The following ZNF254 variants were observed in gnomAD, a reference collection of about 807,000 sequenced individuals.
ZNF254 encodes the protein zinc finger protein 254, also known as CTD-2017D11.1.
Under a neutral mutation model 12.4 loss-of-function variants are expected in ZNF254, and 10 were observed. The observed-to-expected ratio is 0.80, with a 90% CI of 0.50 to 1.36. ZNF254 has a LOEUF of 1.36. ZNF254 is among the 40% of genes most tolerant of loss of function. The pLI, the probability that ZNF254 is intolerant of heterozygous loss-of-function variation, is 0.00. For synonymous variants in ZNF254, 305 were observed against 253.4 expected, an observed-to-expected ratio of 1.20 and a Z score of -1.93; for missense variants, 996 against 763.9, an observed-to-expected ratio of 1.30 and a Z score of -3.58.
In ZNF254 at chr19:24,043,374, G is replaced by C. The variant is rs575952401; in HGVS notation, c.-189-2810G>C. Among the ~76,000 whole-genome samples the C allele has an allele frequency of 3.5e-4, 54 of 152,148 alleles. No individual in the cohort carries two copies. In the South Asian group the frequency reaches 0.011, roughly 30 times the overall value. On this transcript the variant is annotated intron_variant, in intron 1 of 4. Transcript: ENST00000613065. The stretch of plus-strand genomic sequence containing the variant: ...CCTCCTGGGTTCAAGCAATTCTCCT[G>C]TCTCAGCCTCCCGAGTAGCTGGTAC...
chr19:24,046,300 T>C (rs1970378666), intron 2 of ZNF254: 1 of 150,342 alleles, frequency 6.7e-6, no homozygotes. Flanking sequence ...GTAAAGATGG[T>C]AGGTGGCCTG....
chr19:24,045,638 A>G (rs1970352055), intron 1 of ZNF254, among the ~76,000 whole-genome samples: 1 of 148,038 alleles, frequency 6.8e-6, no homozygotes, highest in African/African-American at 2.5e-5. Context: ...ACTGCACTCC[A>G]GCCTGGGTGA....
At chr19:24,117,658 A>T (rs1974186898) in intron 3 of ZNF254, among the ~76,000 whole-genome samples, 1 of 152,140 alleles carries the variant, frequency 6.6e-6, no homozygotes, top group East Asian at 1.9e-4. Context: ...GAGTGAGGTA[A>T]TGCCTAGCCC....
chr19:24,033,694 G>C (rs1969849640), intron 1 of ZNF254: 1 of 288,230 alleles, frequency 3.5e-6, no homozygotes, highest in South Asian at 2.7e-5. Context: ...CTTCGTCACC[G>C]CTCCCGGGTT....
At chr19:24,038,919 T>G (rs1970060161) in intron 1 of ZNF254, among the ~76,000 whole-genome samples, 1 of 152,240 alleles carries the variant, frequency 6.6e-6, no homozygotes, top group Non-Finnish European at 1.5e-5. Flanking sequence ...GTTCACACAT[T>G]TGCATTGAGT....
intron 1 of ZNF254, chr19:24,104,736 G>T (rs961322977): frequency 6.6e-6 from 1 of 152,144 alleles, no homozygotes; most frequent in African/African-American, 2.4e-5. Context: ...AACATGGAGA[G>T]GGGTGGATAC....
At chr19:24,124,785 T>G (rs76906219) in intron 3 of ZNF254, among the ~76,000 whole-genome samples, 2 of 151,074 alleles carry the variant, frequency 1.3e-5, no homozygotes, top group African/African-American at 4.8e-5. Context: ...TTTTTTTTTT[T>G]GGAAACAAGA....
At chr19:24,112,745 G>GT (rs1973767587) in intron 3 of ZNF254, among the ~76,000 whole-genome samples, 1 of 151,726 alleles carries the variant, frequency 6.6e-6, no homozygotes, top group African/African-American at 2.4e-5. Flanking sequence ...GATTTGGCTG[G>GT]TTTTTTGAAA....
chr19:24,116,530 T>C (rs896920345), intron 3 of ZNF254, among the ~76,000 whole-genome samples: 2 of 152,162 alleles, frequency 1.3e-5, no homozygotes, highest in African/African-American at 4.8e-5. Flanking sequence ...TTCTCAAGCC[T>C]TGGCTTTCAG....
In ZNF254 at chr19:24,127,856, A is replaced by G. The variant is rs1217396758; in HGVS notation, c.1856A>G (p.Lys619Arg). ...KAFFWSSTLT[K>R]HKRIHTGEQP... ...TTTTTCTGGTCCTCAACCCTAACTAAACATAAGAGAATTCATACTGGAGAG... is the reference window on the plus strand; with the variant it reads ...TTTTTCTGGTCCTCAACCCTAACTAGACATAAGAGAATTCATACTGGAGAG... Residue 619 changes from lysine to arginine, a missense_variant, in exon 4 of 4, where the codon AAA becomes AGA. Transcript: ENST00000357002. 2.5e-6 allele frequency: 4 copies of G among 1,612,902 alleles called. No individual in the cohort carries two copies. The highest frequency in any genetic ancestry group is 3.4e-6 in the Non-Finnish European group (4 of 1,179,580).
Position 24,127,175 on chromosome 19 carries a change from C to T in ZNF254, c.1175C>T (p.Thr392Ile). 1 of 1,613,388 alleles carries T rather than the reference C, an allele frequency of 6.2e-7. No homozygotes were observed. Among genetic ancestry groups the T allele is most frequent in the Non-Finnish European group, 8.5e-7 (1 of 1,179,736 alleles). ...GGCAAAGCTTTTAAGCAACTCTCAA[C>T]TCTTACTACACATAAAATAATTCAT... Reference protein sequence around the residue: ...ECGKAFKQLSTLTTHKIIHVG... With the variant: ...ECGKAFKQLSILTTHKIIHVG... Residue 392 changes from threonine (T) to isoleucine (I), a missense_variant, in exon 4 of 4, where the codon ACT (threonine) becomes ATT (isoleucine). Physicochemically the swap from Thr to Ile is moderately conservative, Grantham distance 89. Coordinates refer to ENST00000357002, the MANE Select transcript of ZNF254 (RefSeq NM_203282.4).
intron 3 of ZNF254, among the ~76,000 whole-genome samples, chr19:24,120,824 G>T (rs1364554543): frequency 1.3e-5 from 2 of 151,874 alleles, no homozygotes; most frequent in African/African-American, 4.8e-5. Context: ...CACCATGCCT[G>T]GCTAATTTTG....
chr19:24,055,030 A>G (rs113919812), intron 2 of ZNF254, among the ~76,000 whole-genome samples: 22,264 of 151,186 alleles, frequency 0.15, 1,868 homozygotes, highest in Middle Eastern at 0.23. Context: ...TTGAAACCCC[A>G]TCTCTACTAA....
Position 24,127,559 on chromosome 19 carries a change from G to A in ZNF254, c.1559G>A (p.Cys520Tyr), listed in dbSNP as rs1202388393. 8 of 1,613,462 alleles carry A rather than the reference G, an allele frequency of 5.0e-6. No homozygotes were observed. Among genetic ancestry groups the A allele is most frequent in the Non-Finnish European group, 6.8e-6 (8 of 1,179,832 alleles). ...CATACTGGAGAGAAACCCTACAAATGTGAAGAATGTGGCAAAGCCTTTAAC... is the reference window on the plus strand; with the variant it reads ...CATACTGGAGAGAAACCCTACAAATATGAAGAATGTGGCAAAGCCTTTAAC... ...IIHTGEKPYK[C>Y]EECGKAFNWS... Residue 520 changes from cysteine to tyrosine, a missense_variant, in exon 4 of 4, where the codon TGT (cysteine) becomes TAT (tyrosine). By Grantham distance (194) the Cys-to-Tyr change is radical (BLOSUM62 -2). Coordinates refer to ENST00000357002, the MANE Select transcript of ZNF254 (RefSeq NM_203282.4).
intron 2 of ZNF254, among the ~76,000 whole-genome samples, chr19:24,076,180 G>A (rs1971650872): frequency 6.6e-6 from 1 of 152,166 alleles, no homozygotes; most frequent in Non-Finnish European, 1.5e-5. Context: ...GACAGGCATA[G>A]GAAATTATAA....
intron 2 of ZNF254, among the ~76,000 whole-genome samples, chr19:24,073,789 T>C (rs1971563562): frequency 6.6e-6 from 1 of 152,226 alleles, no homozygotes; most frequent in Non-Finnish European, 1.5e-5. Flanking sequence ...CCTTTGAGAT[T>C]GTAACTGATG....
upstream of ZNF254, among the ~76,000 whole-genome samples, chr19:24,085,155 A>G (rs1971979341): frequency 6.8e-6 from 1 of 146,144 alleles, no homozygotes; most frequent in Non-Finnish European, 1.5e-5. Context: ...GCTGGTCTTG[A>G]ACTCCTGACC....
At chr19:24,100,772 A>G (rs1972973851) in intron 1 of ZNF254, among the ~76,000 whole-genome samples, 1 of 150,978 alleles carries the variant, frequency 6.6e-6, no homozygotes, top group East Asian at 1.9e-4. Flanking sequence ...TTCTCAAGTT[A>G]CAATACTTAA....
At chr19:24,093,343 A>G (rs1226427790) in intron 1 of ZNF254, among the ~76,000 whole-genome samples, 1 of 151,998 alleles carries the variant, frequency 6.6e-6, no homozygotes, top group African/African-American at 2.4e-5. Flanking sequence ...TGCTTTTTGT[A>G]TCTTCAATTA....
Sources: gnomAD v4.1 joint callset for allele counts (sites outside exome capture counted in the v4.1 genomes callset) on GRCh38, gnomAD v4.1.1 for gene constraint, MANE v1.5 for transcripts, NCBI Gene and HGNC (gene_info 2026-07-23, HGNC 2026-07-21) for gene names.